The following NAV3 variants were observed in gnomAD, a reference collection of about 807,000 sequenced individuals.
The protein encoded by NAV3 is neuron navigator 3, also known as pore membrane and/or filament interacting like protein 1.
A neutral mutation model predicts 244.7 loss-of-function variants in NAV3; 87 were observed. That is an observed-to-expected ratio of 0.36 (90% CI 0.30 to 0.42). The LOEUF (loss-of-function observed/expected upper bound fraction) is 0.42. Ranked by LOEUF, NAV3 falls within the 20% of genes least tolerant of loss-of-function variation. The pLI is 1.00. For missense variants in NAV3, 2,663 were observed against 2,893.3 expected (o/e 0.92, Z 1.83); for synonymous variants, 1,126 against 1,042.2 (o/e 1.08, Z -1.55).
chr12:77,993,525 A>G (rs1333583807), intron 5 of NAV3, among the ~76,000 whole-genome samples: 1 of 152,168 alleles, frequency 6.6e-6, no homozygotes, highest in Non-Finnish European at 1.5e-5. Flanking sequence ...ATTATACACA[A>G]ATAACAATTT....
chr12:77,598,831 GT>G (rs1256251817), intron 2 of NAV3, among the ~76,000 whole-genome samples: 2 of 151,754 alleles, frequency 1.3e-5, no homozygotes, highest in East Asian at 3.9e-4. Context: ...TTGGGTTTTT[GT>G]TTATTTTTGT....
At chr12:77,805,748 C>T (rs773898606) in intron 2 of NAV3, among the ~76,000 whole-genome samples, 18 of 152,154 alleles carry the variant, frequency 1.2e-4, no homozygotes, top group Non-Finnish European at 2.2e-4. Context: ...ATGGTACCAG[C>T]TCCTCTTTGT....
chr12:78,194,823 C>T (rs975302654), intron 34 of NAV3, among the ~76,000 whole-genome samples: 5 of 151,966 alleles, frequency 3.3e-5, no homozygotes, highest in African/African-American at 4.8e-5. Context: ...TTGGAAAGCT[C>T]TTCTGTTGTG....
At chr12:77,790,107 AATAAGCCTCTTACACTACCAGTG>A (rs1871118303) in intron 2 of NAV3, among the ~76,000 whole-genome samples, 2 of 152,318 alleles carry the variant, frequency 1.3e-5, no homozygotes, top group African/African-American at 2.4e-5. Flanking sequence ...CACTACCAGT[AATAAGCCTCTTACACTACCAGTG>A]ATAAGCCTCT....
chr12:77,655,772 T>C (rs1873069684), intron 2 of NAV3, among the ~76,000 whole-genome samples: 1 of 152,152 alleles, frequency 6.6e-6, no homozygotes, highest in African/African-American at 2.4e-5. Context: ...GCAGAAACTC[T>C]ATAAGCCAGA....
chr12:77,685,059 C>G (rs1047742319), intron 2 of NAV3, among the ~76,000 whole-genome samples: 1 of 152,120 alleles, frequency 6.6e-6, no homozygotes, highest in Admixed American at 6.6e-5. Flanking sequence ...ATCTTAATGT[C>G]AGATTGCTCC....
intron 1 of NAV3, among the ~76,000 whole-genome samples, chr12:77,901,305 A>C (rs1439526819): frequency 6.6e-6 from 1 of 152,210 alleles, no homozygotes; most frequent in Non-Finnish European, 1.5e-5. Flanking sequence ...CCCAAGGCCA[A>C]TATCAAAAAC....
At position 77,611,285 on chromosome 12, in the gene NAV3, T is replaced by C. The variant is rs1870902532; in HGVS notation, c.72+39019T>C. On this transcript the variant is annotated intron_variant, in intron 2 of 8. Coordinates refer to the NAV3 transcript ENST00000550042. ...TTTACTGGACCATTTTGTTTATCTT[T>C]TCTTGTTGTCAGAAAGCTTTTCCTT... 2.6e-5 allele frequency among the ~76,000 whole-genome samples: 4 copies of C among 152,126 alleles called. No homozygotes were observed. In the South Asian group the frequency reaches 8.3e-4, roughly 32 times the overall value.
intron 2 of NAV3, among the ~76,000 whole-genome samples, chr12:77,762,613 A>G (rs988083470): frequency 6.6e-6 from 1 of 152,030 alleles, no homozygotes; most frequent in Non-Finnish European, 1.5e-5. Flanking sequence ...AAAAAGAAAA[A>G]AAAAAATTAA....
chr12:77,803,559 G>A (rs571013048), intron 2 of NAV3, among the ~76,000 whole-genome samples: 16 of 152,196 alleles, frequency 1.1e-4, no homozygotes, highest in Middle Eastern at 6.8e-3. Context: ...CCAAGTCTTC[G>A]CTATTGTGAA....
At chr12:77,900,002 A>C (rs1232414913) in intron 1 of NAV3, among the ~76,000 whole-genome samples, 1 of 151,962 alleles carries the variant, frequency 6.6e-6, no homozygotes, top group Non-Finnish European at 1.5e-5. Flanking sequence ...AATAGTATCC[A>C]ACAGGAAATT....
intron 3 of NAV3, among the ~76,000 whole-genome samples, chr12:77,960,494 T>A (rs370861190): frequency 1.0e-4 from 15 of 149,160 alleles, no homozygotes; most frequent in East Asian, 5.8e-4. Context: ...CATATATATA[T>A]AACACATTAA....
At chr12:78,119,123 C>A in intron 14 of NAV3, 114 bp from the exon 15 acceptor site, 1 of 1,110,684 alleles carries the variant, frequency 9.0e-7, no homozygotes, top group Non-Finnish European at 1.3e-6. Context: ...TAAGACAATA[C>A]ATTTAGGAAG....
chr12:78,203,506 A>G (rs1011804913), intron 38 of NAV3, among the ~76,000 whole-genome samples: 27 of 152,184 alleles, frequency 1.8e-4, no homozygotes, highest in African/African-American at 6.3e-4. Context: ...ATGCACAGAT[A>G]TCAGTACCTA....
intron 2 of NAV3, among the ~76,000 whole-genome samples, chr12:77,822,599 C>T (rs1872791475): frequency 6.6e-6 from 1 of 152,118 alleles, no homozygotes; most frequent in Non-Finnish European, 1.5e-5. Flanking sequence ...TAACTTCATG[C>T]TCAGTATATC....
intron 2 of NAV3, among the ~76,000 whole-genome samples, chr12:77,672,528 A>G (rs917655803): frequency 1.3e-5 from 2 of 152,048 alleles, no homozygotes; most frequent in Non-Finnish European, 2.9e-5. Context: ...GTGGATAAAG[A>G]AAAGGTGATA....
At position 77,905,235 on chromosome 12, in the gene NAV3, G is replaced by A. The variant is rs571769225; in HGVS notation, c.244-35084G>A. On this transcript the variant is annotated intron_variant, in intron 1 of 39. Coordinates refer to ENST00000397909, the MANE Select transcript of NAV3 (RefSeq NM_001024383.2). ...TTAAAATTTATAGAATTGCTTTGGG[G>A]GAAACACAAAATATATTGCCTCTGT... is the stretch of plus-strand genomic sequence containing the variant. Among the ~76,000 whole-genome samples, 4 of 152,080 alleles carry A rather than the reference G, an allele frequency of 2.6e-5. No homozygotes were observed. The East Asian group carries it at 5.8e-4, about 22-fold the overall frequency.
intron 9 of NAV3, among the ~76,000 whole-genome samples, chr12:78,045,453 A>C (rs1159045695): frequency 6.6e-6 from 1 of 151,968 alleles, no homozygotes; most frequent in Non-Finnish European, 1.5e-5. Flanking sequence ...GTGCCACCAT[A>C]CCCGGCTAAT....
chr12:77,891,227 A>T (rs993687906), intron 1 of NAV3, among the ~76,000 whole-genome samples: 12 of 150,356 alleles, frequency 8.0e-5, no homozygotes, highest in Non-Finnish European at 1.6e-4. Flanking sequence ...ATATCAATTT[A>T]TAAAGATAAA....
Sources: allele counts gnomAD v4.1 joint callset (sites outside exome capture counted in the v4.1 genomes callset), GRCh38; gene constraint gnomAD v4.1.1; transcripts MANE v1.5; gene names NCBI Gene and HGNC (gene_info 2026-07-23, HGNC 2026-07-21).